TECTA: variants seen among roughly 807,000 people sequenced by gnomAD.
TECTA encodes the protein tectorin alpha, also known as alpha-tectorin.
TECTA carries 128 observed loss-of-function variants against 216.8 expected under a neutral mutation model. The ratio of observed to expected loss-of-function variants is 0.59; its 90% CI spans 0.51 to 0.68. The LOEUF (loss-of-function observed/expected upper bound fraction) is 0.68, where lower values mean the gene tolerates loss of function less well. Ranked by LOEUF, TECTA falls within the 30% of genes least tolerant of loss-of-function variation. The pLI is 0.00. For missense variants in TECTA, 2,551 were observed against 2,786.2 expected (o/e 0.92, Z 1.90); for synonymous variants, 1,089 against 1,117.1 (o/e 0.97, Z 0.50).
rs775653859 is a variant in TECTA, at chr11:121,118,606, A to G, written c.1091A>G (p.Glu364Gly). The G allele has an allele frequency of 2.5e-6, 4 of 1,614,086 alleles. No homozygotes were observed. The highest frequency in any genetic ancestry group is 3.3e-5 in the Admixed American group (2 of 60,002). ...TCCAGCCTCCCTTTCTTCAGTGTGG[A>G]GGCCAAGAATGAACACCGCAGAGGT... ...QTSSLPFFSV[E>G]AKNEHRRGSA... The change falls in exon 7 of 24, where the codon GAG (glutamate) becomes GGG (glycine). Residue 364 changes from glutamate (E) to glycine (G), a missense_variant. Transcript: ENST00000392793.
rs780100818 is a variant in TECTA at position 121,118,674 on chromosome 11, G to A, written c.1159G>A (p.Gly387Ser). 1.9e-6 allele frequency: 3 copies of A among 1,613,912 alleles called. No individual in the cohort carries two copies. The highest frequency in any genetic ancestry group is 2.5e-6 in the Non-Finnish European group (3 of 1,180,044). The change falls in exon 7 of 24, where the codon GGC becomes AGC. Residue 387 changes from glycine to serine, a missense_variant. Gly to Ser is a moderately conservative substitution (Grantham distance 56). Around this residue, in one of 3 missense-constraint regions of TECTA, gnomAD observed 2,375 missense variants for 2,563.9 expected, o/e 0.93. Coordinates refer to ENST00000392793, the MANE Select transcript of TECTA (RefSeq NM_005422.4). ...GAAGGAGCTCTCAGTGGAGGTGAAT[G>A]GCTACAAGATTCTCATCCCCAAAGG... Reference protein sequence around the residue: ...WVKELSVEVNGYKILIPKGSY... With the variant: ...WVKELSVEVNSYKILIPKGSY...
rs749040814 is a variant in TECTA at position 121,109,542 on chromosome 11, C to G, written c.486+44C>G. ...TGCTTTCCACTTCATAACCTGACATCTAATTCTTGTCCATCTTCGCTACCA... is the reference window on the plus strand; with the variant it reads ...TGCTTTCCACTTCATAACCTGACATGTAATTCTTGTCCATCTTCGCTACCA... On this transcript the variant is annotated intron_variant, in intron 4 of 23. Coordinates refer to ENST00000392793, the MANE Select transcript of TECTA (RefSeq NM_005422.4). 2.3e-4 allele frequency: 374 copies of G among 1,609,606 alleles called. 1 individual carries two copies. The highest frequency in any genetic ancestry group is 1.7e-3 in the Middle Eastern group (10 of 6,050).
At chr11:121,164,365 T>A (rs1947030334) in intron 16 of TECTA, among the ~76,000 whole-genome samples, 1 of 152,222 alleles carries the variant, frequency 6.6e-6, no homozygotes, top group South Asian at 2.1e-4. Flanking sequence ...CATGCTGGGA[T>A]TGAACAGTTG....
chr11:121,114,114 T>C (rs1363253454), intron 6 of TECTA, among the ~76,000 whole-genome samples: 1 of 152,186 alleles, frequency 6.6e-6, no homozygotes, highest in Admixed American at 6.5e-5. Context: ...TCTCGCTCTG[T>C]CTTCTGCACT....
At chr11:121,183,475 A>G (rs577859822) in intron 20 of TECTA, among the ~76,000 whole-genome samples, 16 of 152,304 alleles carry the variant, frequency 1.1e-4, no homozygotes, top group African/African-American at 3.9e-4. Context: ...GGATCTCTCA[A>G]TTACCTTTTC....
At chr11:121,189,459 C>T (rs774297057) in intron 22 of TECTA, among the ~76,000 whole-genome samples, 8 of 151,942 alleles carry the variant, frequency 5.3e-5, no homozygotes, top group Non-Finnish European at 1.0e-4. Context: ...CTGCAAGCTC[C>T]GCCTCCCGGG....
Position 121,137,992 on chromosome 11 carries a change from G to A in TECTA, c.3513G>A (p.Val1171=), listed in dbSNP as rs1946748843. 3.1e-6 allele frequency: 5 copies of A among 1,613,700 alleles called. No individual in the cohort carries two copies. The highest frequency in any genetic ancestry group is 4.2e-6 in the Non-Finnish European group (5 of 1,179,630). ...VDVTVFGYSI[V]IHRAYKHTVL... Reference sequence around the variant, plus strand: ...TGACCGTGTTTGGCTACAGCATCGTGATCCACCGAGCTTACAAGCACACTG... The same window carrying A: ...TGACCGTGTTTGGCTACAGCATCGTAATCCACCGAGCTTACAAGCACACTG... The change falls in exon 11 of 24, where the codon GTG becomes GTA. Residue 1171 remains valine, a synonymous_variant. Coordinates refer to ENST00000392793, the MANE Select transcript of TECTA (RefSeq NM_005422.4).
In TECTA at chr11:121,165,369, C is replaced by A. The variant is rs1348852020; in HGVS notation, c.5369C>A (p.Pro1790His). Residue 1790 changes from proline (P) to histidine (H), a missense_variant, in exon 17 of 24, where the codon CCC becomes CAC. Transcript: ENST00000392793. ...GRELCGCIEP[P>H]PYGNNSHDII... ...GAGCTGTGTGGCTGCATCGAGCCAC[C>A]CCCCTATGGAAATAGTGAGTGACAT... 10 of 1,591,048 alleles carry A rather than the reference C, an allele frequency of 6.3e-6. No homozygotes were observed. The highest frequency in any genetic ancestry group is 8.6e-6 in the Non-Finnish European group (10 of 1,168,216).
chr11:121,116,677 G>T (rs1946505305), intron 6 of TECTA, among the ~76,000 whole-genome samples: 2 of 152,198 alleles, frequency 1.3e-5, no homozygotes, highest in South Asian at 4.1e-4. Flanking sequence ...AGCAGGGGAA[G>T]TGTTCTGTAG....
intron 22 of TECTA, among the ~76,000 whole-genome samples, 153 bp from the exon 23 acceptor site, chr11:121,189,611 T>C (rs1003442057): frequency 3.3e-5 from 5 of 152,174 alleles, no homozygotes; most frequent in Non-Finnish European, 5.9e-5. Context: ...CCTGACCGCG[T>C]GATCCACCCG....
At chr11:121,140,564 G>A (rs1359050868) in intron 11 of TECTA, among the ~76,000 whole-genome samples, 3 of 152,200 alleles carry the variant, frequency 2.0e-5, no homozygotes, top group Non-Finnish European at 2.9e-5. Flanking sequence ...TAAAACCACA[G>A]AAACTCGTTC....
At chr11:121,102,046 C>G (rs1359633785) in intron 1 of TECTA, among the ~76,000 whole-genome samples, 1 of 152,092 alleles carries the variant, frequency 6.6e-6, no homozygotes, top group Non-Finnish European at 1.5e-5. Context: ...TTTTTTATTA[C>G]TAATGTTTCT....
Position 121,158,063 on chromosome 11 carries a change from G to A in TECTA, c.4528G>A (p.Ala1510Thr), listed in dbSNP as rs1220758488. The A allele has an allele frequency of 6.2e-7, 1 of 1,613,680 alleles. No homozygotes were observed. Among genetic ancestry groups the A allele is most frequent in the Non-Finnish European group, 8.5e-7 (1 of 1,179,982 alleles). ...CTTCCTGCGCTTCCCAGCCAACTGC[G>A]CCTTCGTGCTGTCCACCATCTGCCA... ...GAFLRFPANC[A>T]FVLSTICQKL... Residue 1510 changes from alanine to threonine, a missense_variant, in exon 14 of 24, where the codon GCC (alanine) becomes ACC (threonine). Transcript: ENST00000392793.
At chr11:121,147,387 T>A (rs1182288251) in intron 12 of TECTA, among the ~76,000 whole-genome samples, 3 of 151,944 alleles carry the variant, frequency 2.0e-5, no homozygotes, top group African/African-American at 7.3e-5. Context: ...TCACGTAGAT[T>A]GTAAGGGAAG....
chr11:121,151,091 C>G (rs1946885367), intron 12 of TECTA, among the ~76,000 whole-genome samples: 1 of 152,134 alleles, frequency 6.6e-6, no homozygotes, highest in Non-Finnish European at 1.5e-5. Flanking sequence ...ATCAACCTCA[C>G]AAAGAAATGC....
intron 23 of TECTA, among the ~76,000 whole-genome samples, chr11:121,190,421 C>G (rs375715701): frequency 6.6e-6 from 1 of 152,156 alleles, no homozygotes; most frequent in Non-Finnish European, 1.5e-5. Flanking sequence ...CACGCCACCA[C>G]GCCCAGCTAA....
intron 20 of TECTA, among the ~76,000 whole-genome samples, chr11:121,178,631 A>G (rs914953782): frequency 6.6e-6 from 1 of 151,374 alleles, no homozygotes; most frequent in Admixed American, 6.6e-5. Context: ...GAATCCCCAA[A>G]TTCCTTCATC....
At chr11:121,142,423 C>T (rs538736255) in intron 11 of TECTA, among the ~76,000 whole-genome samples, 2 of 152,164 alleles carry the variant, frequency 1.3e-5, no homozygotes, top group East Asian at 3.9e-4. Context: ...AGGCAGCATG[C>T]GTGGGGTTTC....
chr11:121,185,644 A>C (rs1947278614), intron 20 of TECTA, among the ~76,000 whole-genome samples: 8 of 95,812 alleles, frequency 8.3e-5, no homozygotes, highest in Admixed American at 3.0e-4. Flanking sequence ...TTAATGAATG[A>C]GTAGGGAAAG....
Sources: allele counts gnomAD v4.1 joint callset (sites outside exome capture counted in the v4.1 genomes callset), GRCh38; gene constraint gnomAD v4.1.1; regional missense constraint gnomAD v4.1.1; transcripts MANE v1.5; gene names NCBI Gene and HGNC (gene_info 2026-07-23, HGNC 2026-07-21).